The following ZNF536 variants were observed in gnomAD, a reference collection of about 807,000 sequenced individuals.
The protein encoded by ZNF536 is zinc finger protein 536.
Under a neutral mutation model 84.5 loss-of-function variants are expected in ZNF536, and 13 were observed. The observed-to-expected ratio is 0.15, with a 90% CI of 0.10 to 0.24. The LOEUF is 0.24. Among genes scored for constraint, ZNF536 ranks in the 10% least tolerant of loss-of-function variants. ZNF536 has a pLI of 1.00. For synonymous variants in ZNF536, 811 were observed against 742.5 expected (o/e 1.09, Z -1.50); for missense variants, 1,536 against 1,747.5 (o/e 0.88, Z 2.16).
chr19:30,240,759 G>C (rs2023885599), intron 1 of ZNF536, among the ~76,000 whole-genome samples: 1 of 152,248 alleles, frequency 6.6e-6, no homozygotes, highest in Non-Finnish European at 1.5e-5. Flanking sequence ...TTAGGCCTCA[G>C]TCCTTAAATA....
At chr19:30,664,244 C>G (rs1315283480) in intron 1 of ZNF536, among the ~76,000 whole-genome samples, 1 of 150,228 alleles carries the variant, frequency 6.7e-6, no homozygotes, top group Non-Finnish European at 1.5e-5. Context: ...CTCTCTCTCT[C>G]TCTCTCTCTC....
intron 1 of ZNF536, among the ~76,000 whole-genome samples, chr19:30,672,808 G>T (rs1163168892): frequency 6.6e-6 from 1 of 152,170 alleles, no homozygotes; most frequent in Non-Finnish European, 1.5e-5. Flanking sequence ...GGAGGGAGTG[G>T]GGGGAGCAGA....
At chr19:30,572,633 G>A (rs540618474) in intron 1 of ZNF536, among the ~76,000 whole-genome samples, 15 of 152,296 alleles carry the variant, frequency 9.8e-5, no homozygotes, top group Admixed American at 4.6e-4. Flanking sequence ...GCAGATGGTC[G>A]CCAACAGAGT....
chr19:30,545,887 C>T (rs1599756809), intron 3 of ZNF536, among the ~76,000 whole-genome samples: 1 of 152,210 alleles, frequency 6.6e-6, no homozygotes. Context: ...GCCAGATGCA[C>T]ATAATCATTT....
intron 1 of ZNF536, among the ~76,000 whole-genome samples, chr19:30,373,370 G>T (rs371128305): frequency 3.3e-5 from 5 of 151,614 alleles, no homozygotes; most frequent in Non-Finnish European, 5.9e-5. Flanking sequence ...TAGTTCTGTT[G>T]TTCTTTTTTT....
intron 1 of ZNF536, among the ~76,000 whole-genome samples, chr19:30,435,082 T>C (rs946221765): frequency 6.8e-6 from 1 of 148,008 alleles, no homozygotes; most frequent in Non-Finnish European, 1.5e-5. Flanking sequence ...ATGCTGGTGA[T>C]GATGATGATC....
upstream of ZNF536, among the ~76,000 whole-genome samples, chr19:30,370,175 A>ATTGGC (rs1220546369): frequency 1.3e-5 from 2 of 152,164 alleles, no homozygotes; most frequent in African/African-American, 4.8e-5. Flanking sequence ...TGTTCACTCA[A>ATTGGC]TTGGCTGTTG....
At chr19:30,619,522 G>A (rs895691899) in intron 1 of ZNF536, among the ~76,000 whole-genome samples, 4 of 152,170 alleles carry the variant, frequency 2.6e-5, no homozygotes, top group Non-Finnish European at 5.9e-5. Context: ...CCCCAGAGAA[G>A]GGAGAGAGCA....
At chr19:30,391,339 G>A (rs1230188983) in intron 1 of ZNF536, among the ~76,000 whole-genome samples, 1 of 152,218 alleles carries the variant, frequency 6.6e-6, no homozygotes, top group Non-Finnish European at 1.5e-5. Flanking sequence ...CACTTTGGGA[G>A]GCCGAGGTGG....
chr19:30,658,807 G>A (rs182904372), intron 1 of ZNF536, among the ~76,000 whole-genome samples: 3 of 152,084 alleles, frequency 2.0e-5, no homozygotes, highest in Non-Finnish European at 4.4e-5. Flanking sequence ...TCCCCTTCAC[G>A]GACTACAGTG....
At chr19:30,397,039 T>C (rs928709029) in intron 1 of ZNF536, among the ~76,000 whole-genome samples, 2 of 152,176 alleles carry the variant, frequency 1.3e-5, no homozygotes, top group Non-Finnish European at 2.9e-5. Context: ...ATCCTATAAC[T>C]CTATGGCTGC....
At chr19:30,476,814 C>T (rs538171263) in intron 2 of ZNF536, among the ~76,000 whole-genome samples, 20 of 152,310 alleles carry the variant, frequency 1.3e-4, no homozygotes, top group Admixed American at 4.6e-4. Context: ...CGAACTTCTC[C>T]GGTCTCACTG....
At chr19:30,402,797 AT>A (rs1427233532) in intron 1 of ZNF536, among the ~76,000 whole-genome samples, 3 of 48,734 alleles carry the variant, frequency 6.2e-5, no homozygotes, top group East Asian at 7.1e-4. Flanking sequence ...AAATTAAAAA[AT>A]ATATATATAT....
chr19:30,384,439 G>A (rs901597850), intron 1 of ZNF536, among the ~76,000 whole-genome samples: 27 of 150,256 alleles, frequency 1.8e-4, no homozygotes, highest in African/African-American at 5.9e-4. Flanking sequence ...GGGCCTGGTG[G>A]CGAAGAAGGT....
At chr19:30,322,865 G>A (rs2046902791) in intron 2 of ZNF536, among the ~76,000 whole-genome samples, 1 of 152,126 alleles carries the variant, frequency 6.6e-6, no homozygotes, top group East Asian at 1.9e-4. Flanking sequence ...CCCACCTCAT[G>A]TGACTTCCTG....
chr19:30,607,878 C>T, intron 1 of ZNF536, among the ~76,000 whole-genome samples: 1 of 151,846 alleles, frequency 6.6e-6, no homozygotes, highest in Non-Finnish European at 1.5e-5. Context: ...TGCTTTTTTT[C>T]ACTTAAACAG....
chr19:30,383,745 CTTTCTTTCTT>C (rs2049148610), intron 1 of ZNF536, among the ~76,000 whole-genome samples: 1 of 5,200 alleles, frequency 1.9e-4, no homozygotes, highest in African/African-American at 7.0e-4. Context: ...CTTTCTTTCT[CTTTCTTTCTT>C]TCTCTTTCTT....
chr19:30,624,391 C>T lies in ZNF536; in HGVS notation c.169+74877C>T, dbSNP rs531768888. Among the ~76,000 whole-genome samples the T allele has an allele frequency of 2.0e-5, 3 of 152,254 alleles. 1 individual carries two copies. The highest frequency in any genetic ancestry group is 7.2e-5 in the African/African-American group (3 of 41,562). On this transcript the variant is annotated intron_variant, in intron 1 of 1. Transcript: ENST00000592773. The stretch of plus-strand genomic sequence containing the variant: ...CCTTACCTCATCAACTGCTAGCTCC[C>T]CTGGGAATCTGAGCCCGAGCCCAGA...
At chr19:30,607,133 C>T (rs185266693) in intron 1 of ZNF536, among the ~76,000 whole-genome samples, 40 of 152,298 alleles carry the variant, frequency 2.6e-4, no homozygotes, top group Admixed American at 2.2e-3. Context: ...CTCCCTAAAC[C>T]TCTTCGACGT....
Sources: gnomAD v4.1 joint callset for allele counts (sites outside exome capture counted in the v4.1 genomes callset) on GRCh38, gnomAD v4.1.1 for gene constraint, MANE v1.5 for transcripts, NCBI Gene and HGNC (gene_info 2026-07-23, HGNC 2026-07-21) for gene names.